CCNL2: variants seen among roughly 807,000 people sequenced by gnomAD.
The protein encoded by CCNL2 is cyclin L2.
A neutral mutation model predicts 59.1 loss-of-function variants in CCNL2; 28 were observed. The observed-to-expected ratio is 0.47, with a 90% CI of 0.35 to 0.65. The LOEUF (loss-of-function observed/expected upper bound fraction) is 0.65. CCNL2 is among the 30% of genes least tolerant of loss of function. The pLI is 0.00. For missense variants in CCNL2, 714 were observed against 717.4 expected, an observed-to-expected ratio of 1.00 and a Z score of 0.05; for synonymous variants, 342 against 288.6, an observed-to-expected ratio of 1.19 and a Z score of -1.88.
chr1:1,397,238 G>A (rs987188770), intron 3 of CCNL2, among the ~76,000 whole-genome samples: 2 of 152,216 alleles, frequency 1.3e-5, no homozygotes, highest in Non-Finnish European at 2.9e-5. Context: ...AAGGTCAGAG[G>A]CAGCGGTTCT....
chr1:1,391,611 A>G (rs780696297), intron 5 of CCNL2: 2 of 1,219,476 alleles, frequency 1.6e-6, no homozygotes, highest in Non-Finnish European at 2.2e-6. Flanking sequence ...GAAGCAACAC[A>G]ATACTGAGAA....
chr1:1,392,597 A>G (rs1196850277), intron 5 of CCNL2: 2 of 1,432,480 alleles, frequency 1.4e-6, no homozygotes, highest in Non-Finnish European at 1.8e-6. Context: ...TACGATTACC[A>G]AAGCACGACA....
In CCNL2 at chr1:1,398,355, C is replaced by T; in HGVS notation, c.364-13G>A. On this transcript the variant is annotated splice_polypyrimidine_tract_variant and intron_variant, in intron 2 of 10. Transcript: ENST00000400809. ...CCATTGACACATGCTGAAGCGGAAG[C>T]ATTGCAACACGCCCATGTTTGTCCC... is the stretch of plus-strand genomic sequence containing the variant. 1.2e-6 allele frequency: 2 copies of T among 1,614,012 alleles called. No individual in the cohort carries two copies. Among genetic ancestry groups the T allele is most frequent in the South Asian group, 2.2e-5 (2 of 91,070 alleles).
At chr1:1,388,208 G>C in intron 8 of CCNL2, 143 bp from the exon 9 acceptor site, 1 of 658,278 alleles carries the variant, frequency 1.5e-6, no homozygotes, top group Non-Finnish European at 2.7e-6. Context: ...CTGGGACCCA[G>C]AACTTACACA....
chr1:1,387,952 AC>A lies in CCNL2; in HGVS notation c.1118+1del. 6.2e-7 allele frequency: 1 copy of A among 1,613,546 alleles called. No individual in the cohort carries two copies. The highest frequency in any genetic ancestry group is 8.5e-7 in the Non-Finnish European group (1 of 1,179,636). The stretch of plus-strand genomic sequence containing the variant: ...GCCACCTGGGCAGCCCTGGGGTCCT[AC>A]CCGTTCACGGGGCTGTCCGCCTTGG... On this transcript the variant is annotated splice_donor_variant, in intron 9 of 10. Transcript: ENST00000400809. LOFTEE classifies it high-confidence loss of function.
intron 4 of CCNL2, 114 bp downstream of exon 4, chr1:1,395,280 G>A: frequency 8.7e-7 from 1 of 1,153,326 alleles, no homozygotes; most frequent in Non-Finnish European, 1.2e-6. Flanking sequence ...GGAAAGCCAA[G>A]TCAGGGATGC....
chr1:1,389,792 T>G (rs1203363027), intron 8 of CCNL2, among the ~76,000 whole-genome samples: 2 of 151,974 alleles, frequency 1.3e-5, no homozygotes, highest in Non-Finnish European at 2.9e-5. Context: ...ACCCCGTCTC[T>G]ACTAAAAATT....
At position 1,395,637 on chromosome 1, in the gene CCNL2, T is replaced by C; in HGVS notation, c.474-123A>G. The C allele has an allele frequency of 2.2e-6, 3 of 1,388,528 alleles. No homozygotes were observed. In the South Asian group the frequency reaches 3.9e-5, roughly 18 times the overall value. 86.0% of individuals were successfully genotyped at this position (1,388,528 alleles called of 1,614,324 possible). Reference sequence around the variant, plus strand: ...CCCACAACACAACATCGCTATGAAGTCCACATCCTCTGATGAACAAAACTG... The same window carrying C: ...CCCACAACACAACATCGCTATGAAGCCCACATCCTCTGATGAACAAAACTG... On this transcript the variant is annotated intron_variant, in intron 3 of 10. Transcript: ENST00000400809.
intron 3 of CCNL2, among the ~76,000 whole-genome samples, chr1:1,397,762 G>A (rs1384358047): frequency 6.6e-6 from 1 of 152,194 alleles, no homozygotes; most frequent in East Asian, 1.9e-4. Flanking sequence ...CTACTCAGGA[G>A]GCTGAGGCAG....
intron 5 of CCNL2, chr1:1,391,720 T>C (rs913419427): frequency 4.5e-6 from 2 of 448,542 alleles, no homozygotes; most frequent in Admixed American, 4.9e-5. Flanking sequence ...AAAATTTACA[T>C]TTTTTAAAAG....
chr1:1,398,524 A>C, intron 2 of CCNL2, 73 bp downstream of exon 2: 2 of 1,584,348 alleles, frequency 1.3e-6, no homozygotes, highest in Admixed American at 1.7e-5. Flanking sequence ...CTCCCTTAGT[A>C]ACCGGGCAAA....
intron 5 of CCNL2, 93 bp downstream of exon 5, chr1:1,393,303 C>A: frequency 1.0e-6 from 1 of 1,003,874 alleles, no homozygotes; most frequent in Non-Finnish European, 1.6e-6. Context: ...ACAACCAAGT[C>A]ACTGGGCTGC....
In CCNL2 at chr1:1,399,028, G is replaced by A; in HGVS notation, c.279C>T (p.Arg93=). 1 of 1,578,150 alleles carries A rather than the reference G, an allele frequency of 6.3e-7. No homozygotes were observed. Among genetic ancestry groups the A allele is most frequent in the Middle Eastern group, 1.7e-4 (1 of 5,960 alleles). The change falls in exon 1 of 11, where the codon CGC becomes CGT. Residue 93 remains arginine, a synonymous_variant. Transcript: ENST00000400809. ...GCGGCCGCGCCCTCACCTGCGGCAG[G>A]CGGAGCAGGATACCGGCCGCCTGGA... ...ELIQAAGILL[R]LPQVAMATGQ...
chr1:1,399,002 C>G lies in CCNL2; in HGVS notation c.288+17G>C. 1.3e-6 allele frequency: 2 copies of G among 1,580,962 alleles called. No individual in the cohort carries two copies. Among genetic ancestry groups the G allele is most frequent in the Non-Finnish European group, 1.7e-6 (2 of 1,166,520 alleles). ...CCAGCGGTTACCTGGGCCGGAGGCT[C>G]GCGGCCGCGCCCTCACCTGCGGCAG... On this transcript the variant is annotated intron_variant, in intron 1 of 10. Transcript: ENST00000400809.
Position 1,390,361 on chromosome 1 carries a change from G to A in CCNL2, c.875C>T (p.Thr292Ile). 1 of 1,612,940 alleles carries A rather than the reference G, an allele frequency of 6.2e-7. No homozygotes were observed. The highest frequency in any genetic ancestry group is 8.5e-7 in the Non-Finnish European group (1 of 1,179,018). ...TTTTTCCACTTCACCCTCCAGGTGTGTGAGATCAACCTGCAAAAGCCAGAA... is the reference window on the plus strand; with the variant it reads ...TTTTTCCACTTCACCCTCCAGGTGTATGAGATCAACCTGCAAAAGCCAGAA... The part of the protein sequence containing the change: ...QLYARKKVDL[T>I]HLEGEVEKRK... Residue 292 changes from threonine (T) to isoleucine (I), a missense_variant, in exon 8 of 11, where the codon ACA becomes ATA. Thr to Ile is a moderately conservative substitution (Grantham distance 89, BLOSUM62 -1). This residue lies in a region of CCNL2 where 403 missense variants were observed against 377.7 expected (regional missense o/e 1.07). Coordinates refer to ENST00000400809, the MANE Select transcript of CCNL2 (RefSeq NM_030937.6).
intron 5 of CCNL2, chr1:1,391,398 C>A: frequency 1.7e-6 from 2 of 1,185,564 alleles, no homozygotes; most frequent in Non-Finnish European, 2.1e-6. Context: ...CGGCAGGCCC[C>A]TTCTCTGCTG....
At position 1,387,386 on chromosome 1, in the gene CCNL2, G is replaced by A; in HGVS notation, c.1408C>T (p.Arg470Ter). 2 of 1,614,158 alleles carry A rather than the reference G, an allele frequency of 1.2e-6. No individual in the cohort carries two copies. Among genetic ancestry groups the A allele is most frequent in the East Asian group, 2.2e-5 (1 of 44,882 alleles). Residue 470 changes from arginine to a stop codon, truncating the protein, a stop_gained, in exon 11 of 11, where the codon CGA becomes TGA. Transcript: ENST00000400809. LOFTEE classifies it high-confidence loss of function. ...KSRSRSSSRS[R>*]SRSRERADNP... ...TCCGCCCGCTCCCGTGACCTGCTTC[G>A]AGAACGGGAAGAACTCCGGCTCCGA... is the stretch of plus-strand genomic sequence containing the variant.
intron 8 of CCNL2, 130 bp from the exon 9 acceptor site, chr1:1,388,195 C>T: frequency 1.4e-6 from 1 of 698,286 alleles, no homozygotes; most frequent in Non-Finnish European, 2.5e-6. Flanking sequence ...TTCCGGCTCC[C>T]AGCTGGGACC....
At chr1:1,391,091 GAAA>G in intron 5 of CCNL2, 1 of 810,146 alleles carries the variant, frequency 1.2e-6, no homozygotes, top group Admixed American at 4.7e-5. Context: ...GAAATTATTA[GAAA>G]AAAAAAAAGC....
Sources: allele counts gnomAD v4.1 joint callset (sites outside exome capture counted in the v4.1 genomes callset), GRCh38; gene constraint gnomAD v4.1.1; regional missense constraint gnomAD v4.1.1; transcripts MANE v1.5; gene names NCBI Gene and HGNC (gene_info 2026-07-23, HGNC 2026-07-21).